Variants in AVEN observed in about 807,000 individuals in gnomAD.
AVEN encodes the protein cell death regulator Aven.
Under a neutral mutation model 38.1 loss-of-function variants are expected in AVEN, and 41 were observed. The observed-to-expected ratio is 1.08, with a 90% CI of 0.84 to 1.40. The LOEUF (loss-of-function observed/expected upper bound fraction) is 1.40, where lower values mean the gene tolerates loss of function less well. Among genes scored for constraint, AVEN ranks in the 40% most tolerant of loss-of-function variants. AVEN has a pLI of 0.00. For synonymous variants in AVEN, 206 were observed against 171.8 expected (o/e 1.20, Z -1.56); for missense variants, 605 against 438.8 (o/e 1.38, Z -3.38).
At chr15:33,943,138 T>C (rs1273415157) in intron 2 of AVEN, among the ~76,000 whole-genome samples, 1 of 152,168 alleles carries the variant, frequency 6.6e-6, no homozygotes, top group Non-Finnish European at 1.5e-5. Flanking sequence ...GGAAGCAGGA[T>C]CTTGAAGAGG....
chr15:33,883,156 T>C (rs1406657466), intron 2 of AVEN, among the ~76,000 whole-genome samples: 1 of 152,192 alleles, frequency 6.6e-6, no homozygotes, highest in Non-Finnish European at 1.5e-5. Flanking sequence ...CAGTACTCTA[T>C]TCTGGCAGAG....
chr15:33,953,627 C>T (rs1894834666), intron 2 of AVEN, among the ~76,000 whole-genome samples: 2 of 152,140 alleles, frequency 1.3e-5, no homozygotes. Flanking sequence ...ATACTTTATA[C>T]AAAAATTATT....
chr15:34,001,856 A>G (rs4633681), intron 2 of AVEN, among the ~76,000 whole-genome samples: 2,310 of 152,308 alleles, frequency 0.015, 68 homozygotes, highest in African/African-American at 0.049. Flanking sequence ...GCAGATAAAG[A>G]AGAAAGGTAG....
intron 2 of AVEN, among the ~76,000 whole-genome samples, chr15:33,906,622 C>G (rs1892709385): frequency 6.6e-6 from 1 of 152,016 alleles, no homozygotes; most frequent in African/African-American, 2.4e-5. Flanking sequence ...GTGAATAAAC[C>G]AGTCACAAAA....
chr15:33,897,951 A>G (rs1892310389), intron 2 of AVEN, among the ~76,000 whole-genome samples: 1 of 152,166 alleles, frequency 6.6e-6, no homozygotes, highest in African/African-American at 2.4e-5. Context: ...GCACTTTGGG[A>G]GGTCGAAGGG....
intron 1 of AVEN, 37 bp from the exon 2 acceptor site, chr15:34,003,246 G>A (rs374232813): frequency 6.2e-7 from 1 of 1,602,004 alleles, no homozygotes. Flanking sequence ...AGTAAGCAGT[G>A]GAAATCCTGA....
At chr15:34,017,545 C>G (rs546129774) in intron 1 of AVEN, among the ~76,000 whole-genome samples, 7 of 137,252 alleles carry the variant, frequency 5.1e-5, no homozygotes, top group Non-Finnish European at 1.1e-4. Flanking sequence ...TGCAGTACTG[C>G]GATCAGCTTA....
At chr15:33,860,311 G>C (rs1241201395) in intron 11 of AVEN, among the ~76,000 whole-genome samples, 1 of 152,052 alleles carries the variant, frequency 6.6e-6, no homozygotes, top group African/African-American at 2.4e-5. Context: ...AACACAAATA[G>C]CTAAGCAAAA....
intron 2 of AVEN, among the ~76,000 whole-genome samples, chr15:33,895,119 T>C (rs551509111): frequency 5.0e-4 from 76 of 152,192 alleles, no homozygotes; most frequent in Non-Finnish European, 9.7e-4. Flanking sequence ...GGTGTTTGGA[T>C]TCTACCACTG....
intron 2 of AVEN, among the ~76,000 whole-genome samples, chr15:33,971,782 A>G (rs1449985598): frequency 6.6e-6 from 1 of 152,064 alleles, no homozygotes. Flanking sequence ...CAACTAGCCA[A>G]TATATTTGTT....
chr15:34,021,290 C>CTT (rs911480926), intron 1 of AVEN, among the ~76,000 whole-genome samples: 1 of 145,672 alleles, frequency 6.9e-6, no homozygotes. Context: ...TTTTCTGTAT[C>CTT]TTTTTTTTTT....
Position 33,888,125 on chromosome 15 carries a change from G to C in AVEN, c.446-12130C>G, listed in dbSNP as rs185358419. On this transcript the variant is annotated intron_variant, in intron 2 of 5. Coordinates refer to ENST00000306730, the MANE Select transcript of AVEN (RefSeq NM_020371.3). ...AGACCTATATGAAAAAAAATATAAA[G>C]CTACACAGAAAGATCCTTGATTATT... is the stretch of plus-strand genomic sequence containing the variant. Among the ~76,000 whole-genome samples the C allele has an allele frequency of 9.2e-5, 14 of 152,200 alleles. No homozygotes were observed. In the East Asian group the frequency reaches 2.7e-3, roughly 29 times the overall value.
intron 1 of AVEN, among the ~76,000 whole-genome samples, 183 bp downstream of exon 1, chr15:34,038,597 C>G (rs1040588828): frequency 1.4e-5 from 2 of 140,816 alleles, no homozygotes; most frequent in African/African-American, 5.8e-5. Flanking sequence ...AAGCGCATAC[C>G]CAGGCGCGCC....
intron 2 of AVEN, among the ~76,000 whole-genome samples, chr15:33,950,473 G>C (rs768341629): frequency 6.6e-6 from 1 of 152,026 alleles, no homozygotes; most frequent in Admixed American, 6.6e-5. Context: ...ATTTTTATAT[G>C]TCAACTATAC....
At chr15:33,886,867 G>T (rs966144779) in intron 2 of AVEN, among the ~76,000 whole-genome samples, 17 of 152,202 alleles carry the variant, frequency 1.1e-4, no homozygotes, top group Admixed American at 5.9e-4. Flanking sequence ...CTATTGCTCT[G>T]CCATGCCTGG....
At chr15:33,919,462 A>C (rs1402367712) in intron 2 of AVEN, among the ~76,000 whole-genome samples, 1 of 152,208 alleles carries the variant, frequency 6.6e-6, no homozygotes, top group African/African-American at 2.4e-5. Context: ...GCTTATTAAA[A>C]GTAGAAATGC....
At chr15:33,946,998 T>G (rs1027486721) in intron 2 of AVEN, among the ~76,000 whole-genome samples, 5 of 152,132 alleles carry the variant, frequency 3.3e-5, no homozygotes, top group African/African-American at 1.2e-4. Flanking sequence ...TTGTCAGCAG[T>G]TTCACAATTT....
At chr15:34,027,538 A>AAAAG (rs1555518024) in intron 1 of AVEN, among the ~76,000 whole-genome samples, 9 of 151,362 alleles carry the variant, frequency 5.9e-5, no homozygotes, top group Admixed American at 2.6e-4. Context: ...CAAAAAAAAA[A>AAAAG]AAAGAAAGAA....
chr15:34,027,780 A>G (rs1396162977), intron 1 of AVEN, among the ~76,000 whole-genome samples: 1 of 150,286 alleles, frequency 6.7e-6, no homozygotes, highest in Admixed American at 6.6e-5. Context: ...ATCAGCAACA[A>G]GGGTTTAAAA....
Sources: allele counts gnomAD v4.1 joint callset (sites outside exome capture counted in the v4.1 genomes callset), GRCh38; gene constraint gnomAD v4.1.1; transcripts MANE v1.5; gene names NCBI Gene and HGNC (gene_info 2026-07-23, HGNC 2026-07-21).